SMOC2: variants seen among roughly 807,000 people sequenced by gnomAD.
The protein encoded by SMOC2 is SPARC-related modular calcium-binding protein 2.
SMOC2 carries 39 observed loss-of-function variants against 61.4 expected under a neutral mutation model. The ratio of observed to expected loss-of-function variants is 0.64; its 90% CI spans 0.49 to 0.83. The LOEUF is 0.83. SMOC2 is among the 40% of genes least tolerant of loss of function. SMOC2 has a pLI of 0.00. For synonymous variants in SMOC2, 247 were observed against 239.9 expected (o/e 1.03, Z -0.27); for missense variants, 556 against 592.9 (o/e 0.94, Z 0.65).
chr6:168,588,233 C>G (rs576996369), intron 7 of SMOC2, among the ~76,000 whole-genome samples: 1 of 151,764 alleles, frequency 6.6e-6, no homozygotes, highest in East Asian at 1.9e-4. Flanking sequence ...AAGCAATTCT[C>G]CTGTCTCGGC....
intron 11 of SMOC2, among the ~76,000 whole-genome samples, chr6:168,659,910 G>T (rs1026193784): frequency 3.0e-4 from 45 of 151,672 alleles, no homozygotes; most frequent in African/African-American, 1.0e-3. Context: ...TGTAGGTTGG[G>T]TGAGGTTGGA....
At chr6:168,559,475 A>AAAAATAAAATAAAAT (rs143424043) in intron 7 of SMOC2, among the ~76,000 whole-genome samples, 6 of 150,128 alleles carry the variant, frequency 4.0e-5, no homozygotes, top group Non-Finnish European at 8.9e-5. Context: ...AAATAAAAAT[A>AAAAATAAAATAAAAT]AAAATAAAAT....
At chr6:168,655,982 G>A (rs963678409) in intron 11 of SMOC2, among the ~76,000 whole-genome samples, 3 of 152,106 alleles carry the variant, frequency 2.0e-5, no homozygotes, top group Non-Finnish European at 4.4e-5. Flanking sequence ...CACTGTACAC[G>A]TGTACTGGAT....
chr6:168,642,529 C>T (rs1786918887), intron 9 of SMOC2, among the ~76,000 whole-genome samples: 3 of 151,456 alleles, frequency 2.0e-5, no homozygotes. Context: ...ACTTCTTTCT[C>T]TACTGCGTGG....
At chr6:168,534,833 CTT>C (rs1263721688) in intron 4 of SMOC2, among the ~76,000 whole-genome samples, 3 of 152,124 alleles carry the variant, frequency 2.0e-5, no homozygotes, top group Non-Finnish European at 4.4e-5. Flanking sequence ...CTACAAGTGA[CTT>C]TTCGCTCCTG....
rs983923262 is a variant in SMOC2, at chr6:168,441,269, C to T, written c.-102C>T. ...TGGGGAGAGCATCGCGGAGCCGCCCCTCCACGCGCCCGCCCAGCCGCGCTC... is the reference window on the plus strand; with the variant it reads ...TGGGGAGAGCATCGCGGAGCCGCCCTTCCACGCGCCCGCCCAGCCGCGCTC... On this transcript the variant is annotated 5_prime_UTR_variant, in exon 1 of 13. Transcript: ENST00000356284. 1.5e-6 allele frequency: 2 copies of T among 1,379,082 alleles called. No individual in the cohort carries two copies. The highest frequency in any genetic ancestry group is 1.9e-6 in the Non-Finnish European group (2 of 1,076,680). 85.4% of individuals were successfully genotyped at this position (1,379,082 alleles called of 1,614,324 possible). A position where few individuals can be genotyped will look rare whatever the true frequency, so the allele number is the denominator to read the frequency against.
At chr6:168,587,810 A>T (rs1039168563) in intron 7 of SMOC2, among the ~76,000 whole-genome samples, 1 of 152,294 alleles carries the variant, frequency 6.6e-6, no homozygotes, top group African/African-American at 2.4e-5. Flanking sequence ...AGGTTTGCCG[A>T]ACACAGTTCC....
chr6:168,636,043 T>C (rs962974524), intron 9 of SMOC2, among the ~76,000 whole-genome samples: 1 of 152,170 alleles, frequency 6.6e-6, no homozygotes. Flanking sequence ...AATCTGGCAA[T>C]GAAGGAGGAA....
chr6:168,643,641 T>TGGCC (rs976737409), intron 9 of SMOC2, among the ~76,000 whole-genome samples: 1 of 152,208 alleles, frequency 6.6e-6, no homozygotes, highest in Admixed American at 6.5e-5. Context: ...GGCCTCATCA[T>TGGCC]GGCCGTGGGG....
intron 1 of SMOC2, among the ~76,000 whole-genome samples, chr6:168,486,367 A>ACAGAAGCTTTGCACTC (rs909428647): frequency 2.6e-5 from 4 of 152,114 alleles, no homozygotes; most frequent in African/African-American, 9.7e-5. Flanking sequence ...ACACTGCTTC[A>ACAGAAGCTTTGCACTC]CAGAAGCTTT....
chr6:168,552,402 A>G (rs1486279406), intron 7 of SMOC2, among the ~76,000 whole-genome samples: 1 of 151,676 alleles, frequency 6.6e-6, no homozygotes, highest in Admixed American at 6.6e-5. Flanking sequence ...AAAAAAATTT[A>G]TCTAGCTTGT....
chr6:168,619,351 CCAGA>C (rs139064133), intron 9 of SMOC2, among the ~76,000 whole-genome samples: 38,725 of 151,994 alleles, frequency 0.25, 5,013 homozygotes, highest in Non-Finnish European at 0.27. Flanking sequence ...AAGGCATCTG[CCAGA>C]CAAATTAATA....
At chr6:168,572,895 G>C (rs372380656) in intron 7 of SMOC2, among the ~76,000 whole-genome samples, 195 of 66,254 alleles carry the variant, frequency 2.9e-3, no homozygotes, top group Middle Eastern at 0.027. Context: ...GGGCTGCGTG[G>C]TCCCTGAACG....
chr6:168,655,502 G>A (rs1475242008), intron 11 of SMOC2: 2 of 443,484 alleles, frequency 4.5e-6, no homozygotes, highest in Non-Finnish European at 9.1e-6. Flanking sequence ...TGAGATGCGT[G>A]CATGCCCTGA....
intron 12 of SMOC2, among the ~76,000 whole-genome samples, 158 bp from the exon 13 acceptor site, chr6:168,666,263 C>T (rs1787659096): frequency 6.6e-6 from 1 of 151,034 alleles, no homozygotes; most frequent in South Asian, 2.1e-4. Context: ...TACCAGTGTC[C>T]AAAATGTCTT....
chr6:168,602,765 G>T (rs1188939151), intron 8 of SMOC2, among the ~76,000 whole-genome samples: 1 of 152,238 alleles, frequency 6.6e-6, no homozygotes, highest in Admixed American at 6.5e-5. Context: ...AGGTGGTGGG[G>T]CAAGACCAGG....
At chr6:168,459,800 A>G (rs1781680115) in intron 1 of SMOC2, among the ~76,000 whole-genome samples, 1 of 122,768 alleles carries the variant, frequency 8.1e-6, no homozygotes, top group African/African-American at 3.3e-5. Flanking sequence ...CTGGTGGGTG[A>G]GCCCCGGGCT....
At chr6:168,605,214 C>T (rs887677310) in intron 8 of SMOC2, among the ~76,000 whole-genome samples, 5 of 152,256 alleles carry the variant, frequency 3.3e-5, no homozygotes, top group African/African-American at 1.2e-4. Context: ...TACCTCACAT[C>T]TGGGCAGCCT....
Position 168,475,695 on chromosome 6 carries a change from G to A in SMOC2, c.85-34220G>A, listed in dbSNP as rs980244157. Reference sequence around the variant, plus strand: ...CGTCTGTGGCCCAGGGAGGCCACGTGTGAGACCTGGTGTGGGTCGAGGACA... The same window carrying A: ...CGTCTGTGGCCCAGGGAGGCCACGTATGAGACCTGGTGTGGGTCGAGGACA... On this transcript the variant is annotated intron_variant, in intron 1 of 12. Transcript: ENST00000356284. The surrounding 1 kb of genome is among the most constrained non-coding windows in gnomAD (Gnocchi z 4.6). 2.6e-5 allele frequency among the ~76,000 whole-genome samples: 4 copies of A among 152,162 alleles called. No homozygotes were observed. In the East Asian group the frequency reaches 5.8e-4, roughly 22 times the overall value.
Sources: allele counts gnomAD v4.1 joint callset (sites outside exome capture counted in the v4.1 genomes callset), GRCh38; gene constraint gnomAD v4.1.1; non-coding constraint Gnocchi (gnomAD v3.1); transcripts MANE v1.5; gene names NCBI Gene and HGNC (gene_info 2026-07-23, HGNC 2026-07-21).